Variants in OPCML observed in about 807,000 individuals in gnomAD.
OPCML encodes the protein opioid-binding protein/cell adhesion molecule.
OPCML carries 13 observed loss-of-function variants against 37.8 expected under a neutral mutation model. The observed-to-expected ratio is 0.34, with a 90% CI of 0.22 to 0.55. The LOEUF (loss-of-function observed/expected upper bound fraction) is 0.55. Among genes scored for constraint, OPCML ranks in the 20% least tolerant of loss-of-function variants. The probability of loss-of-function intolerance (pLI) is 0.91; values close to 1 mark genes in which losing one functional copy is unlikely to be tolerated. For missense variants in OPCML, 341 were observed against 435.6 expected (o/e 0.78, Z 1.93); for synonymous variants, 176 against 168.8 (o/e 1.04, Z -0.33).
chr11:132,749,593 G>A (rs1389396474), intron 2 of OPCML, among the ~76,000 whole-genome samples: 1 of 152,134 alleles, frequency 6.6e-6, no homozygotes, highest in East Asian at 1.9e-4. Flanking sequence ...AGGGCTAAAT[G>A]TATATTTGTG....
At chr11:132,529,861 G>A (rs1330142664) in intron 3 of OPCML, among the ~76,000 whole-genome samples, 1 of 152,184 alleles carries the variant, frequency 6.6e-6, no homozygotes, top group Non-Finnish European at 1.5e-5. Flanking sequence ...CTGTAACCAT[G>A]AGATTGTACT....
intron 1 of OPCML, among the ~76,000 whole-genome samples, chr11:133,084,503 G>A (rs1269197625): frequency 6.6e-6 from 1 of 152,194 alleles, no homozygotes; most frequent in African/African-American, 2.4e-5. Context: ...GGCATCTCTT[G>A]AGGGTGTCTA....
At chr11:133,510,694 C>G (rs1042228126) in intron 1 of OPCML, among the ~76,000 whole-genome samples, 3 of 152,216 alleles carry the variant, frequency 2.0e-5, no homozygotes, top group African/African-American at 7.2e-5. Flanking sequence ...TTACCTTGAC[C>G]CATTTACTAC....
intron 4 of OPCML, among the ~76,000 whole-genome samples, chr11:132,479,815 C>CTGT (rs942746454): frequency 6.6e-6 from 1 of 152,174 alleles, no homozygotes; most frequent in African/African-American, 2.4e-5. Flanking sequence ...GCTGAGGGTC[C>CTGT]TGTTAGAAGG....
intron 1 of OPCML, among the ~76,000 whole-genome samples, chr11:133,026,260 A>G (rs1947552320): frequency 6.6e-6 from 1 of 152,184 alleles, no homozygotes; most frequent in Non-Finnish European, 1.5e-5. Flanking sequence ...TTGCACTCAA[A>G]TGCATACATG....
At chr11:132,942,591 AG>A (rs71038511) in intron 2 of OPCML, among the ~76,000 whole-genome samples, 27,241 of 151,786 alleles carry the variant, frequency 0.18, 2,664 homozygotes, top group Admixed American at 0.22. Flanking sequence ...GGCTCAGGCT[AG>A]CCCCCCAGTG....
chr11:132,540,701 T>C (rs1211976247), intron 3 of OPCML, among the ~76,000 whole-genome samples: 1 of 152,192 alleles, frequency 6.6e-6, no homozygotes, highest in Non-Finnish European at 1.5e-5. Context: ...CATACATGAA[T>C]ACATGCCAGG....
At chr11:133,486,075 T>G (rs564465310) in intron 1 of OPCML, among the ~76,000 whole-genome samples, 3 of 152,196 alleles carry the variant, frequency 2.0e-5, no homozygotes, top group Non-Finnish European at 2.9e-5. Flanking sequence ...TTGGGTTCAA[T>G]GTACATGAAT....
intron 1 of OPCML, among the ~76,000 whole-genome samples, chr11:133,407,019 A>G (rs756135284): frequency 6.6e-6 from 1 of 152,232 alleles, no homozygotes; most frequent in Non-Finnish European, 1.5e-5. Context: ...TTGAAATAGT[A>G]CAGAATCCAC....
At chr11:132,925,078 TC>T (rs1462739926) in intron 2 of OPCML, among the ~76,000 whole-genome samples, 1 of 152,236 alleles carries the variant, frequency 6.6e-6, no homozygotes, top group Admixed American at 6.5e-5. Flanking sequence ...AGCCCATTCT[TC>T]ATTTCTGTAA....
rs372295400 is a variant in OPCML at position 132,962,365 on chromosome 11, C to T, written c.62-19355G>A. ...TCATGATGAAGACAGCATCTGCAGA[C>T]CAAGAGTGTGCCTGGGAACTCACAT... is the stretch of plus-strand genomic sequence containing the variant. On this transcript the variant is annotated intron_variant, in intron 1 of 7. Transcript: ENST00000524381. Among the ~76,000 whole-genome samples, 27 of 152,316 alleles carry T rather than the reference C, an allele frequency of 1.8e-4. No homozygotes were observed. The East Asian group carries it at 3.3e-3, about 19-fold the overall frequency.
intron 2 of OPCML, among the ~76,000 whole-genome samples, chr11:132,668,748 G>A (rs1942330863): frequency 6.6e-6 from 1 of 152,140 alleles, no homozygotes; most frequent in African/African-American, 2.4e-5. Flanking sequence ...GTATTAATCA[G>A]AAATAACAAG....
rs1191842220 is a variant in OPCML at position 132,846,904 on chromosome 11, G to T, written c.146+96022C>A. On this transcript the variant is annotated intron_variant, in intron 2 of 7. Coordinates refer to ENST00000524381, the MANE Select transcript of OPCML (RefSeq NM_001012393.5). The stretch of plus-strand genomic sequence containing the variant: ...TAATTCTATTCCTTGAGATCCACAT[G>T]ATAAACTTTTAAAATTGTAATATAA... Among the ~76,000 whole-genome samples the T allele has an allele frequency of 2.0e-5, 3 of 152,146 alleles. No homozygotes were observed. In the East Asian group the frequency reaches 5.8e-4, roughly 29 times the overall value.
intron 3 of OPCML, among the ~76,000 whole-genome samples, chr11:132,649,928 T>TAC (rs61282644): frequency 0.098 from 14,552 of 147,788 alleles, 932 homozygotes; most frequent in African/African-American, 0.19. Context: ...CACGCACTGT[T>TAC]ACACACACAC....
At chr11:133,134,006 C>T (rs1284184879) in intron 1 of OPCML, among the ~76,000 whole-genome samples, 3 of 152,128 alleles carry the variant, frequency 2.0e-5, no homozygotes, top group Non-Finnish European at 4.4e-5. Context: ...AATATGAGAT[C>T]GCTCCTGAAC....
At chr11:133,184,971 G>A (rs1344759155) in intron 1 of OPCML, among the ~76,000 whole-genome samples, 4 of 152,042 alleles carry the variant, frequency 2.6e-5, no homozygotes, top group Non-Finnish European at 2.9e-5. Flanking sequence ...ATTTTTGTTC[G>A]ATGGCTGGCT....
chr11:132,803,967 T>C (rs1405747312), intron 2 of OPCML, among the ~76,000 whole-genome samples: 1 of 152,214 alleles, frequency 6.6e-6, no homozygotes, highest in Admixed American at 6.5e-5. Context: ...TTATTCCTGA[T>C]AAGAATCCTT....
chr11:133,273,409 C>A (rs1251859483), intron 1 of OPCML, among the ~76,000 whole-genome samples: 1 of 152,128 alleles, frequency 6.6e-6, no homozygotes, highest in African/African-American at 2.4e-5. Context: ...ACTTCCAAGT[C>A]CTGCGGCATC....
intron 1 of OPCML, among the ~76,000 whole-genome samples, chr11:133,462,591 GCTAA>G (rs141885774): frequency 0.13 from 20,114 of 151,990 alleles, 3,159 homozygotes; most frequent in African/African-American, 0.37. Flanking sequence ...TGCTCAACAT[GCTAA>G]CTATTGGAGA....
Sources: allele counts gnomAD v4.1 joint callset (sites outside exome capture counted in the v4.1 genomes callset), GRCh38; gene constraint gnomAD v4.1.1; transcripts MANE v1.5; gene names NCBI Gene and HGNC (gene_info 2026-07-23, HGNC 2026-07-21).